The following PEBP4 variants were observed in gnomAD, a reference collection of about 807,000 sequenced individuals.
The protein encoded by PEBP4 is phosphatidylethanolamine binding protein 4.
A neutral mutation model predicts 23.9 loss-of-function variants in PEBP4; 22 were observed. That is an observed-to-expected ratio of 0.92 (90% confidence interval 0.66 to 1.31). The LOEUF is 1.31. Ranked by LOEUF, PEBP4 falls within the 40% of genes most tolerant of loss-of-function variation. PEBP4 has a pLI of 0.00. For synonymous variants in PEBP4, 112 were observed against 99.3 expected (o/e 1.13, Z -0.76); for missense variants, 324 against 281.7 (o/e 1.15, Z -1.07).
chr8:22,718,540 G>A (rs1023369034), intron 6 of PEBP4, among the ~76,000 whole-genome samples: 1 of 152,212 alleles, frequency 6.6e-6, no homozygotes, highest in African/African-American at 2.4e-5. Flanking sequence ...GCAGTTCCCA[G>A]CCTGGGTGCC....
At chr8:22,798,363 T>C (rs921762160) in intron 4 of PEBP4, among the ~76,000 whole-genome samples, 1 of 152,082 alleles carries the variant, frequency 6.6e-6, no homozygotes. Flanking sequence ...AACTACCTCC[T>C]TTATCTACTC....
At chr8:22,721,310 A>T (rs1804513260) in intron 6 of PEBP4, among the ~76,000 whole-genome samples, 1 of 152,050 alleles carries the variant, frequency 6.6e-6, no homozygotes, top group Non-Finnish European at 1.5e-5. Flanking sequence ...CAGGGAGGGG[A>T]GGTCACCTGG....
intron 4 of PEBP4, among the ~76,000 whole-genome samples, chr8:22,806,614 CA>C (rs55944201): frequency 0.015 from 1,262 of 85,868 alleles, 12 homozygotes; most frequent in African/African-American, 0.041. Context: ...GACTGTGTCT[CA>C]AAAAAAAAAA....
At chr8:22,851,660 A>C (rs1451175716) in intron 3 of PEBP4, among the ~76,000 whole-genome samples, 1 of 151,990 alleles carries the variant, frequency 6.6e-6, no homozygotes, top group Non-Finnish European at 1.5e-5. Context: ...GAGCAGAAAA[A>C]TCCTCTCTCT....
At chr8:22,899,852 C>G (rs932492526) in intron 3 of PEBP4, among the ~76,000 whole-genome samples, 1 of 152,100 alleles carries the variant, frequency 6.6e-6, no homozygotes, top group Non-Finnish European at 1.5e-5. Context: ...AAGGGATGAC[C>G]AGGAATGTTT....
chr8:22,789,631 C>T (rs760769962), intron 4 of PEBP4, among the ~76,000 whole-genome samples: 2 of 152,198 alleles, frequency 1.3e-5, no homozygotes, highest in South Asian at 2.1e-4. Context: ...TCTGGGGCAA[C>T]GTCTGCAGCA....
intron 3 of PEBP4, among the ~76,000 whole-genome samples, chr8:22,905,111 G>A (rs776568709): frequency 6.6e-5 from 10 of 151,906 alleles, no homozygotes; most frequent in Non-Finnish European, 1.2e-4. Flanking sequence ...TTTTGCCTGC[G>A]GTGTATACTC....
At chr8:22,733,017 C>T (rs1239274715) in intron 4 of PEBP4, among the ~76,000 whole-genome samples, 1 of 152,206 alleles carries the variant, frequency 6.6e-6, no homozygotes, top group Non-Finnish European at 1.5e-5. Flanking sequence ...AGGTAAAGAG[C>T]ACGGTGCTGG....
intron 4 of PEBP4, among the ~76,000 whole-genome samples, chr8:22,804,835 A>C (rs747713792): frequency 6.6e-6 from 1 of 151,890 alleles, no homozygotes; most frequent in Non-Finnish European, 1.5e-5. Context: ...CATCTCTTCC[A>C]TGCTGCCCCG....
At chr8:22,788,127 GC>G (rs1224909677) in intron 4 of PEBP4, among the ~76,000 whole-genome samples, 1 of 152,114 alleles carries the variant, frequency 6.6e-6, no homozygotes, top group Non-Finnish European at 1.5e-5. Context: ...CAGGCAGGAA[GC>G]CAGGTAGAGG....
intron 4 of PEBP4, among the ~76,000 whole-genome samples, chr8:22,747,295 C>T (rs564629731): frequency 2.6e-5 from 4 of 152,342 alleles, no homozygotes; most frequent in East Asian, 1.9e-4. Context: ...GGGGTGCCCC[C>T]ACCCTTGTTC....
intron 4 of PEBP4, among the ~76,000 whole-genome samples, chr8:22,754,151 G>A (rs1805327124): frequency 6.6e-6 from 1 of 152,136 alleles, no homozygotes; most frequent in African/African-American, 2.4e-5. Context: ...GGCTCTCCAA[G>A]CCCCAGGGTC....
chr8:22,920,582 G>T (rs936743696), intron 2 of PEBP4, among the ~76,000 whole-genome samples: 1 of 152,216 alleles, frequency 6.6e-6, no homozygotes, highest in Admixed American at 6.5e-5. Context: ...CTGGCACGTT[G>T]TAAGTCATCA....
intron 4 of PEBP4, among the ~76,000 whole-genome samples, chr8:22,774,532 T>C (rs1036459134): frequency 2.6e-5 from 4 of 152,132 alleles, no homozygotes; most frequent in Non-Finnish European, 5.9e-5. Flanking sequence ...CCAGGCTCAA[T>C]TTTAGCCAGA....
intron 3 of PEBP4, among the ~76,000 whole-genome samples, chr8:22,870,531 C>T (rs1306632855): frequency 1.3e-5 from 2 of 152,194 alleles, no homozygotes; most frequent in Non-Finnish European, 2.9e-5. Context: ...ATACATTTAT[C>T]TAAACCTATA....
At chr8:22,850,449 G>C (rs1807528602) in intron 3 of PEBP4, among the ~76,000 whole-genome samples, 2 of 152,230 alleles carry the variant, frequency 1.3e-5, no homozygotes, top group African/African-American at 4.8e-5. Context: ...TGGGAAGCCA[G>C]AGAGCAAAGT....
chr8:22,738,145 G>C (rs541437879), intron 4 of PEBP4, among the ~76,000 whole-genome samples: 1 of 152,348 alleles, frequency 6.6e-6, no homozygotes, highest in East Asian at 1.9e-4. Flanking sequence ...CGCAGAGCGA[G>C]TGGCACATCA....
chr8:22,735,236 G>A (rs889168023), intron 4 of PEBP4, among the ~76,000 whole-genome samples: 8 of 152,184 alleles, frequency 5.3e-5, no homozygotes, highest in Non-Finnish European at 1.2e-4. Context: ...AATAATTGAG[G>A]CCTAGAGGCC....
chr8:22,746,125 CT>C (rs11431376), intron 4 of PEBP4, among the ~76,000 whole-genome samples: 2 of 150,430 alleles, frequency 1.3e-5, no homozygotes, highest in Admixed American at 6.6e-5. Flanking sequence ...AACTTCCTTC[CT>C]TTTTTTTTCC....
Sources: gnomAD v4.1 joint callset for allele counts (sites outside exome capture counted in the v4.1 genomes callset) on GRCh38, gnomAD v4.1.1 for gene constraint, MANE v1.5 for transcripts, NCBI Gene and HGNC (gene_info 2026-07-23, HGNC 2026-07-21) for gene names.